CACHD1: variants seen among roughly 807,000 people sequenced by gnomAD.
The protein encoded by CACHD1 is VWFA and cache domain-containing protein 1.
A neutral mutation model predicts 138.7 loss-of-function variants in CACHD1; 71 were observed. The observed-to-expected ratio is 0.51, with a 90% CI of 0.42 to 0.62. The LOEUF is 0.62. Among genes scored for constraint, CACHD1 ranks in the 20% least tolerant of loss-of-function variants. The pLI is 0.00. For synonymous variants in CACHD1, 578 were observed against 591.5 expected (o/e 0.98, Z 0.33); for missense variants, 1,389 against 1,625.3 (o/e 0.85, Z 2.50).
At chr1:64,490,639 C>T (rs1646269643) in intron 1 of CACHD1, among the ~76,000 whole-genome samples, 1 of 152,112 alleles carries the variant, frequency 6.6e-6, no homozygotes, top group Non-Finnish European at 1.5e-5. Context: ...TCATGTTCTC[C>T]CTTCAGTGAG....
intron 3 of CACHD1, among the ~76,000 whole-genome samples, chr1:64,598,637 A>G (rs1647180909): frequency 6.6e-6 from 1 of 152,170 alleles, no homozygotes; most frequent in East Asian, 1.9e-4. Flanking sequence ...GAGAGAATTG[A>G]GAATTCAAGA....
chr1:64,554,022 C>T (rs1419093451), intron 2 of CACHD1, among the ~76,000 whole-genome samples: 7 of 151,884 alleles, frequency 4.6e-5, no homozygotes, highest in Non-Finnish European at 1.0e-4. Context: ...TGGGCTGTTT[C>T]TAATTTTGTT....
chr1:64,576,497 A>G (rs1489824296), intron 2 of CACHD1, among the ~76,000 whole-genome samples: 1 of 151,922 alleles, frequency 6.6e-6, no homozygotes, highest in Non-Finnish European at 1.5e-5. Flanking sequence ...GAGGGAAGAA[A>G]AAAAAAAAAA....
chr1:64,586,478 A>T (rs1476509884), intron 3 of CACHD1, among the ~76,000 whole-genome samples: 1 of 152,090 alleles, frequency 6.6e-6, no homozygotes, highest in African/African-American at 2.4e-5. Context: ...TAGTCTTTTG[A>T]AGCAGTCTAA....
At chr1:64,640,810 C>T (rs1648687319) in intron 7 of CACHD1, among the ~76,000 whole-genome samples, 1 of 151,056 alleles carries the variant, frequency 6.6e-6, no homozygotes, top group Non-Finnish European at 1.5e-5. Flanking sequence ...TGTAAAAGTC[C>T]AGCTCTCTGA....
chr1:64,647,391 TC>T (rs1418117303), intron 8 of CACHD1, among the ~76,000 whole-genome samples: 2 of 152,246 alleles, frequency 1.3e-5, no homozygotes, highest in Non-Finnish European at 2.9e-5. Context: ...CACCCTCTGT[TC>T]TTTAAAACTC....
At chr1:64,553,631 A>C (rs987814130) in intron 2 of CACHD1, among the ~76,000 whole-genome samples, 12 of 152,236 alleles carry the variant, frequency 7.9e-5, no homozygotes, top group African/African-American at 2.9e-4. Context: ...TAAAATGAAC[A>C]TCTTAACTTA....
intron 1 of CACHD1, among the ~76,000 whole-genome samples, chr1:64,517,223 T>A (rs186180684): frequency 1.3e-4 from 20 of 152,324 alleles, no homozygotes; most frequent in Non-Finnish European, 2.6e-4. Flanking sequence ...CAAATATTTT[T>A]TCAGTGTATA....
At chr1:64,626,647 T>G (rs1457839921) in intron 4 of CACHD1, among the ~76,000 whole-genome samples, 2 of 152,150 alleles carry the variant, frequency 1.3e-5, no homozygotes, top group African/African-American at 4.8e-5. Context: ...TCTTGCACAT[T>G]GGTCATCTTG....
At chr1:64,570,152 G>C (rs914272324) in intron 2 of CACHD1, among the ~76,000 whole-genome samples, 3 of 152,088 alleles carry the variant, frequency 2.0e-5, no homozygotes, top group African/African-American at 7.2e-5. Context: ...CAAGAACAGG[G>C]ACCACTCATC....
intron 1 of CACHD1, among the ~76,000 whole-genome samples, chr1:64,508,248 G>A (rs1646392364): frequency 6.6e-6 from 1 of 152,144 alleles, no homozygotes; most frequent in Non-Finnish European, 1.5e-5. Flanking sequence ...TCCAACATTG[G>A]GGTTTACAGT....
chr1:64,681,481 CT>C, intron 25 of CACHD1, 146 bp downstream of exon 25: 3 of 418,272 alleles, frequency 7.2e-6, no homozygotes, highest in East Asian at 5.6e-5. Context: ...TTTTTCCATC[CT>C]TTTTTGTTAG....
intron 13 of CACHD1, 123 bp from the exon 14 acceptor site, chr1:64,663,572 A>G: frequency 7.9e-7 from 1 of 1,269,852 alleles, no homozygotes; most frequent in Non-Finnish European, 1.1e-6. Context: ...AAAAGAAAAA[A>G]AGGAAAAAAA....
At chr1:64,497,128 A>T (rs1459401590) in intron 1 of CACHD1, among the ~76,000 whole-genome samples, 1 of 152,204 alleles carries the variant, frequency 6.6e-6, no homozygotes, top group African/African-American at 2.4e-5. Context: ...GTAAAAAAAG[A>T]GTGAGAAAGA....
At chr1:64,669,209 T>C (rs1028626582) in intron 16 of CACHD1, among the ~76,000 whole-genome samples, 3 of 152,218 alleles carry the variant, frequency 2.0e-5, no homozygotes, top group Admixed American at 6.5e-5. Flanking sequence ...AAACAGAGGC[T>C]GTAATACCTG....
chr1:64,672,575 T>A (rs1341664611), intron 17 of CACHD1, among the ~76,000 whole-genome samples: 1 of 152,192 alleles, frequency 6.6e-6, no homozygotes, highest in African/African-American at 2.4e-5. Flanking sequence ...CTATCACAGG[T>A]AGATATATAT....
At chr1:64,689,167 A>G (rs539011436) in intron 26 of CACHD1, among the ~76,000 whole-genome samples, 8 of 152,324 alleles carry the variant, frequency 5.3e-5, no homozygotes, top group African/African-American at 1.2e-4. Flanking sequence ...TATGGTGGAC[A>G]CATATGTCAG....
At chr1:64,590,119 A>G (rs1557508456) in intron 3 of CACHD1, among the ~76,000 whole-genome samples, 1 of 152,044 alleles carries the variant, frequency 6.6e-6, no homozygotes, top group Non-Finnish European at 1.5e-5. Context: ...CATCCTGGCT[A>G]ACATGGTAAA....
intron 1 of CACHD1, among the ~76,000 whole-genome samples, chr1:64,496,456 T>G (rs558687787): frequency 6.6e-6 from 1 of 152,334 alleles, no homozygotes; most frequent in Admixed American, 6.5e-5. Flanking sequence ...TTCTCTGTGC[T>G]AGTTTCCTCC....
Sources: gnomAD v4.1 joint callset for allele counts (sites outside exome capture counted in the v4.1 genomes callset) on GRCh38, gnomAD v4.1.1 for gene constraint, MANE v1.5 for transcripts, NCBI Gene and HGNC (gene_info 2026-07-23, HGNC 2026-07-21) for gene names.